HDC: variants seen among roughly 807,000 people sequenced by gnomAD.
The protein encoded by HDC is histidine decarboxylase.
HDC carries 27 observed loss-of-function variants against 64.4 expected under a neutral mutation model. The ratio of observed to expected loss-of-function variants is 0.42; its 90% CI spans 0.31 to 0.58. HDC has a LOEUF of 0.58. Ranked by LOEUF, HDC falls within the 20% of genes least tolerant of loss-of-function variation. HDC has a pLI of 0.16. For synonymous variants in HDC, 305 were observed against 314.2 expected (o/e 0.97, Z 0.31); for missense variants, 711 against 833.9 (o/e 0.85, Z 1.81).
chr15:50,258,333 A>T, intron 3 of HDC, 71 bp downstream of exon 3: 1 of 818,232 alleles, frequency 1.2e-6, no homozygotes, highest in Non-Finnish European at 2.1e-6. Flanking sequence ...CCAAGACAAA[A>T]TATGTCTGCC....
intron 2 of HDC, among the ~76,000 whole-genome samples, chr15:50,258,927 G>C (rs940878661): frequency 6.6e-6 from 1 of 152,032 alleles, no homozygotes; most frequent in Admixed American, 6.5e-5. Flanking sequence ...TTGGGAGGCC[G>C]AGGCAGGTGG....
At chr15:50,260,676 G>T (rs1056879544) in intron 2 of HDC, among the ~76,000 whole-genome samples, 3 of 152,084 alleles carry the variant, frequency 2.0e-5, no homozygotes, top group Non-Finnish European at 4.4e-5. Flanking sequence ...ACCCTATGGG[G>T]TAGGACCTAC....
In HDC at chr15:50,242,155, A is replaced by T; in HGVS notation, c.*105T>A. The T allele has an allele frequency of 1.0e-6, 1 of 963,952 alleles. No homozygotes were observed. The highest frequency in any genetic ancestry group is 1.7e-6 in the Non-Finnish European group (1 of 602,420). 59.7% of individuals were successfully genotyped at this position (963,952 alleles called of 1,614,324 possible). On this transcript the variant is annotated 3_prime_UTR_variant, in exon 12 of 12. Transcript: ENST00000267845. ...TTGATTAAAATTATGAACTCGCCCC[A>T]AGAAAAATGCATGTACACATAAGCA...
At chr15:50,257,030 T>C (rs2045641569) in intron 4 of HDC, among the ~76,000 whole-genome samples, 1 of 152,202 alleles carries the variant, frequency 6.6e-6, no homozygotes, top group South Asian at 2.1e-4. Flanking sequence ...TGCTGTTAAT[T>C]GCTCTCACTG....
chr15:50,251,693 G>A (rs571336775), intron 9 of HDC, among the ~76,000 whole-genome samples: 70 of 152,266 alleles, frequency 4.6e-4, no homozygotes, highest in African/African-American at 1.6e-3. Flanking sequence ...TTTGCTGGGC[G>A]CGGTGGCTCA....
intron 10 of HDC, among the ~76,000 whole-genome samples, chr15:50,247,445 G>A (rs988930765): frequency 3.3e-5 from 5 of 151,996 alleles, no homozygotes; most frequent in African/African-American, 1.2e-4. Context: ...ACTTCATTTT[G>A]GTTTGTGTTT....
chr15:50,254,329 C>CA, intron 5 of HDC, 56 bp from the exon 6 acceptor site: 1 of 1,605,172 alleles, frequency 6.2e-7, no homozygotes, highest in South Asian at 1.1e-5. Flanking sequence ...GATCACCCCC[C>CA]AGAAACTGCT....
At position 50,264,667 on chromosome 15, in the gene HDC, G is replaced by A. The variant is rs548934489; in HGVS notation, c.31+926C>T. 6.2e-4 allele frequency among the ~76,000 whole-genome samples: 94 copies of A among 152,180 alleles called. 1 individual carries two copies. The highest frequency in any genetic ancestry group is 2.0e-3 in the African/African-American group (84 of 41,506). On this transcript the variant is annotated intron_variant, in intron 1 of 11. Coordinates refer to ENST00000267845, the MANE Select transcript of HDC (RefSeq NM_002112.4). ...TACTCCCTGGGCTGCTTTTACCTAG[G>A]AGAGGGGACTCAGTTTCTCCCCTCT...
At position 50,243,136 on chromosome 15, in the gene HDC, G is replaced by T; in HGVS notation, c.1242+7C>A. The T allele has an allele frequency of 6.2e-7, 1 of 1,612,088 alleles. No homozygotes were observed. Among genetic ancestry groups the T allele is most frequent in the Non-Finnish European group, 8.5e-7 (1 of 1,178,132 alleles). On this transcript the variant is annotated splice_region_variant and intron_variant, in intron 11 of 11. Coordinates refer to ENST00000267845, the MANE Select transcript of HDC (RefSeq NM_002112.4). Reference sequence around the variant, plus strand: ...CATTCACAGAGGGGCTTGGAAGATGGTATTACCTTTAGACGAAAAACCACC... The same window carrying T: ...CATTCACAGAGGGGCTTGGAAGATGTTATTACCTTTAGACGAAAAACCACC...
intron 10 of HDC, among the ~76,000 whole-genome samples, chr15:50,247,551 A>G (rs1162410328): frequency 6.6e-6 from 1 of 152,158 alleles, no homozygotes; most frequent in Non-Finnish European, 1.5e-5. Flanking sequence ...CACTACTTTT[A>G]TCAATGGCTT....
At chr15:50,252,553 G>T (rs201301195) in intron 8 of HDC, 33 bp from the exon 9 acceptor site, 2 of 1,614,086 alleles carry the variant, frequency 1.2e-6, no homozygotes, top group Non-Finnish European at 1.7e-6. Flanking sequence ...TAGTGGCTGA[G>T]GTCTCTCCAG....
intron 10 of HDC, among the ~76,000 whole-genome samples, chr15:50,244,285 CTTTTTT>C (rs554623599): frequency 1.9e-5 from 2 of 105,176 alleles, no homozygotes; most frequent in Admixed American, 1.1e-4. Flanking sequence ...AGCTGAACCT[CTTTTTT>C]TTTTTTTTTT....
chr15:50,254,039 G>T, intron 6 of HDC, 91 bp downstream of exon 6: 3 of 1,352,776 alleles, frequency 2.2e-6, no homozygotes, highest in Non-Finnish European at 3.2e-6. Flanking sequence ...CTGCTTTTGT[G>T]TGCAGCATGT....
rs770031241 is a variant in HDC at position 50,253,699 on chromosome 15, G to T, written c.721-33C>A. On this transcript the variant is annotated intron_variant, in intron 6 of 11. Coordinates refer to ENST00000267845, the MANE Select transcript of HDC (RefSeq NM_002112.4). ...AAAATTAAGGCAAGTTAACACAGGAGGGTGGGCTCGTGTGACACATTTGGC... is the reference window on the plus strand; with the variant it reads ...AAAATTAAGGCAAGTTAACACAGGATGGTGGGCTCGTGTGACACATTTGGC... 4.4e-6 allele frequency: 7 copies of T among 1,578,722 alleles called. No homozygotes were observed. In the African/African-American group the frequency reaches 6.7e-5, roughly 15 times the overall value.
chr15:50,254,356 G>GA, intron 5 of HDC, 83 bp from the exon 6 acceptor site: 1 of 1,569,898 alleles, frequency 6.4e-7, no homozygotes, highest in Non-Finnish European at 8.8e-7. Context: ...TAAGACTCGG[G>GA]AACCAAATAT....
chr15:50,252,812 T>TA, intron 7 of HDC, 38 bp from the exon 8 acceptor site: 1 of 1,585,092 alleles, frequency 6.3e-7, no homozygotes, highest in South Asian at 1.1e-5. Flanking sequence ...AGGGGAGGTA[T>TA]GAAGTGGGGA....
rs1386073952 is a variant in HDC, at chr15:50,242,969, A to G, written c.1280T>C (p.Ile427Thr). 6.2e-7 allele frequency: 1 copy of G among 1,613,940 alleles called. No homozygotes were observed. Among genetic ancestry groups the G allele is most frequent in the African/African-American group, 1.3e-5 (1 of 74,932 alleles). Residue 427 changes from isoleucine (I) to threonine (T), a missense_variant, in exon 12 of 12, where the codon ATA (isoleucine) becomes ACA (threonine). Ile to Thr is a moderately conservative substitution (Grantham distance 89). This residue lies in a region of HDC where 483 missense variants were observed against 540.9 expected (regional missense o/e 0.89). Transcript: ENST00000267845. ...NCLTENVLKE[I>T]AKAGRLFLIP... ...GAGGAAGAGACGGCCAGCTTTAGCT[A>G]TTTCCTTTAACACATTTTCTGTGAG...
chr15:50,245,904 CAATA>C (rs59796751), intron 10 of HDC, among the ~76,000 whole-genome samples: 8 of 151,756 alleles, frequency 5.3e-5, no homozygotes, highest in Admixed American at 4.6e-4. Flanking sequence ...AAATAAATAA[CAATA>C]AATAAATAAG....
Position 50,242,256 on chromosome 15 carries a change from G to A in HDC, c.*4C>T. On this transcript the variant is annotated 3_prime_UTR_variant, in exon 12 of 12. Coordinates refer to ENST00000267845, the MANE Select transcript of HDC (RefSeq NM_002112.4). ...TCCTCAGACTCTGGCTGAAGGCCCT[G>A]TGTCTAAACCATGGCCTGCAGAGGG... 2 of 1,613,176 alleles carry A rather than the reference G, an allele frequency of 1.2e-6. No homozygotes were observed. Among genetic ancestry groups the A allele is most frequent in the East Asian group, 2.2e-5 (1 of 44,880 alleles).
Sources: gnomAD v4.1 joint callset for allele counts (sites outside exome capture counted in the v4.1 genomes callset) on GRCh38, gnomAD v4.1.1 for gene constraint, gnomAD v4.1.1 regional missense constraint, MANE v1.5 for transcripts, NCBI Gene and HGNC (gene_info 2026-07-23, HGNC 2026-07-21) for gene names.